The following PADI4 variants were observed in gnomAD, a reference collection of about 807,000 sequenced individuals.
PADI4 encodes peptidyl arginine deiminase 4, also known as protein-arginine deiminase type-4.
PADI4 carries 62 observed loss-of-function variants against 75.0 expected under a neutral mutation model. The ratio of observed to expected loss-of-function variants is 0.83; its 90% CI spans 0.67 to 1.02. The LOEUF (loss-of-function observed/expected upper bound fraction) is 1.02. PADI4 is among the 50% of genes least tolerant of loss of function. The pLI, the probability that PADI4 is intolerant of heterozygous loss-of-function variation, is 0.00. For synonymous variants in PADI4, 361 were observed against 348.1 expected (o/e 1.04, Z -0.41); for missense variants, 845 against 850.5 (o/e 0.99, Z 0.08).
At chr1:17,338,723 G>A (rs1177594918) in intron 5 of PADI4, among the ~76,000 whole-genome samples, 3 of 152,196 alleles carry the variant, frequency 2.0e-5, no homozygotes, top group Admixed American at 2.0e-4. Flanking sequence ...TGAGGATGGT[G>A]GGGAATGCAG....
Position 17,363,642 on chromosome 1 carries a change from T to G in PADI4, c.1879T>G (p.Cys627Gly). 1.2e-6 allele frequency: 2 copies of G among 1,613,978 alleles called. No homozygotes were observed. The highest frequency in any genetic ancestry group is 1.7e-6 in the Non-Finnish European group (2 of 1,179,818). The change falls in exon 16 of 16, where the codon TGC becomes GGC. Residue 627 changes from cysteine (C) to glycine (G), a missense_variant. Transcript: ENST00000375448. ...CSLLEPLGLQ[C>G]TFINDFFTYH... ...CCTGCTGGAGCCACTGGGCCTCCAG[T>G]GCACCTTCATCAACGACTTCTTCAC...
At chr1:17,318,225 G>C (rs1015813793) in intron 1 of PADI4, among the ~76,000 whole-genome samples, 36 of 152,236 alleles carry the variant, frequency 2.4e-4, no homozygotes, top group Non-Finnish European at 1.0e-4. Context: ...CAGAGAAGGA[G>C]GTAGTCGTGA....
In PADI4 at chr1:17,339,750, C is replaced by T. The variant is rs765454638; in HGVS notation, c.589C>T (p.His197Tyr). The T allele has an allele frequency of 6.2e-7, 1 of 1,614,078 alleles. No individual in the cohort carries two copies. Among genetic ancestry groups the T allele is most frequent in the South Asian group, 1.1e-5 (1 of 91,066 alleles). The change falls in exon 6 of 16, where the codon CAT (histidine) becomes TAT (tyrosine). Residue 197 changes from histidine to tyrosine, a missense_variant. His to Tyr is a moderately conservative substitution (Grantham distance 83, BLOSUM62 2). Transcript: ENST00000375448. ...GACCCCCAAGGACTTCTTCACAAAC[C>T]ATACACTGGTGCTCCACGTGGCCAG... is the stretch of plus-strand genomic sequence containing the variant. ...TKTPKDFFTN[H>Y]TLVLHVARSE...
At chr1:17,341,909 A>G in intron 6 of PADI4, 34 bp from the exon 7 acceptor site, 1 of 1,562,546 alleles carries the variant, frequency 6.4e-7, no homozygotes, top group Non-Finnish European at 8.8e-7. Flanking sequence ...AGAAGTGGGG[A>G]CGCAGACCTG....
intron 8 of PADI4, among the ~76,000 whole-genome samples, chr1:17,345,491 C>A (rs1448329917): frequency 6.6e-6 from 1 of 152,042 alleles, no homozygotes; most frequent in East Asian, 1.9e-4. Context: ...GTTCTGTGTC[C>A]CCACCCAAAT....
intron 7 of PADI4, 24 bp downstream of exon 7, chr1:17,342,145 A>G (rs2100742107): frequency 6.2e-7 from 1 of 1,608,654 alleles, no homozygotes; most frequent in Non-Finnish European, 8.5e-7. Flanking sequence ...GCAGCCCTGC[A>G]TCGGGGGCCT....
rs1207131421 is a variant in PADI4 at position 17,342,040 on chromosome 1, C to G, written c.750C>G (p.Tyr250Ter). ...VPGGKHNMDF[Y>*]VEALAFPDTD... ...GTGGAAAGCACAACATGGACTTCTA[C>G]GTGGAGGCCCTCGCTTTCCCGGACA... is the stretch of plus-strand genomic sequence containing the variant. The change falls in exon 7 of 16, where the codon TAC becomes TAG. Residue 250 changes from tyrosine (Y) to a stop codon, truncating the protein, a stop_gained. Transcript: ENST00000375448. LOFTEE classifies it high-confidence loss of function. 1 of 1,613,932 alleles carries G rather than the reference C, an allele frequency of 6.2e-7. No homozygotes were observed.
At chr1:17,317,439 T>G (rs1418772460) in intron 1 of PADI4, among the ~76,000 whole-genome samples, 1 of 151,480 alleles carries the variant, frequency 6.6e-6, no homozygotes, top group Non-Finnish European at 1.5e-5. Context: ...TGGCTAATTT[T>G]TTTGTATTTT....
At position 17,327,020 on chromosome 1, in the gene PADI4, C is replaced by T. The variant is rs974134678; in HGVS notation, c.93-3949C>T. ...CTGCCTCCCAGGCTCAAGTGATCTT[C>T]CCACCTCTGCCTCCTGAGTAGCTAG... is the stretch of plus-strand genomic sequence containing the variant. On this transcript the variant is annotated intron_variant, in intron 1 of 15. Transcript: ENST00000375448. 2.0e-5 allele frequency among the ~76,000 whole-genome samples: 3 copies of T among 150,692 alleles called. No homozygotes were observed. In the Admixed American group the frequency reaches 2.0e-4, roughly 10 times the overall value.
chr1:17,308,696 A>G (rs1232821495), intron 1 of PADI4, among the ~76,000 whole-genome samples: 2 of 152,156 alleles, frequency 1.3e-5, no homozygotes, highest in African/African-American at 4.8e-5. Context: ...TTCACAGCAC[A>G]GTTTGTTACC....
chr1:17,343,728 A>C (rs2074464369), intron 8 of PADI4, among the ~76,000 whole-genome samples: 1 of 152,142 alleles, frequency 6.6e-6, no homozygotes, highest in Non-Finnish European at 1.5e-5. Context: ...AGGGGTTTCC[A>C]CTTTTGCATC....
At chr1:17,319,594 A>G (rs1042262510) in intron 1 of PADI4, among the ~76,000 whole-genome samples, 1 of 152,238 alleles carries the variant, frequency 6.6e-6, no homozygotes, top group Non-Finnish European at 1.5e-5. Flanking sequence ...GAAACACAAG[A>G]CAAATTAAAT....
rs185217186 is a variant in PADI4 at position 17,337,275 on chromosome 1, A to T, written c.409-763A>T. Among the ~76,000 whole-genome samples, 295 of 152,270 alleles carry T rather than the reference A, an allele frequency of 1.9e-3. 2 individuals are homozygous for T. The highest frequency in any genetic ancestry group is 6.7e-3 in the African/African-American group (280 of 41,558). ...ATTCTCCTACCTCAGCCTCCTGAGT[A>T]GCTGCAATTACAGGTGCATGCCTCC... is the stretch of plus-strand genomic sequence containing the variant. On this transcript the variant is annotated intron_variant, in intron 4 of 15. Transcript: ENST00000375448.
chr1:17,349,714 A>AAAG (rs796909873), intron 10 of PADI4, among the ~76,000 whole-genome samples: 2,797 of 116,438 alleles, frequency 0.024, 673 homozygotes, highest in Non-Finnish European at 0.039. Flanking sequence ...AAAAAAAAAA[A>AAAG]AAAGAAAGAA....
intron 1 of PADI4, among the ~76,000 whole-genome samples, chr1:17,315,778 T>C (rs9970772): frequency 0.55 from 83,219 of 151,794 alleles, 23,292 homozygotes; most frequent in East Asian, 0.6. Flanking sequence ...ATACCTTCCC[T>C]TGTAGCCCTG....
intron 5 of PADI4, 131 bp downstream of exon 5, chr1:17,338,286 T>C (rs2074353642): frequency 1.6e-6 from 1 of 643,478 alleles, no homozygotes; most frequent in Admixed American, 2.1e-5. Context: ...ATCTGTTTTA[T>C]AGGTGAAGCA....
chr1:17,358,811 C>T (rs937830260), intron 13 of PADI4, 27 bp from the exon 14 acceptor site: 3 of 1,519,260 alleles, frequency 2.0e-6, no homozygotes, highest in African/African-American at 2.7e-5. Flanking sequence ...AGTTCATTTG[C>T]CTTTTTTTTC....
At chr1:17,311,320 G>C (rs912131004) in intron 1 of PADI4, among the ~76,000 whole-genome samples, 2 of 151,756 alleles carry the variant, frequency 1.3e-5, no homozygotes, top group African/African-American at 4.8e-5. Flanking sequence ...AACCCACCCT[G>C]CTTCGCAGCC....
intron 1 of PADI4, among the ~76,000 whole-genome samples, chr1:17,310,800 A>T (rs2100642586): frequency 6.6e-6 from 1 of 152,248 alleles, no homozygotes; most frequent in East Asian, 1.9e-4. Context: ...GTCTCTACTA[A>T]AAATACAAAA....
Sources: gnomAD v4.1 joint callset for allele counts (sites outside exome capture counted in the v4.1 genomes callset) on GRCh38, gnomAD v4.1.1 for gene constraint, MANE v1.5 for transcripts, NCBI Gene and HGNC (gene_info 2026-07-23, HGNC 2026-07-21) for gene names.